CACNG3: variants seen among roughly 807,000 people sequenced by gnomAD.
The protein encoded by CACNG3 is calcium voltage-gated channel auxiliary subunit gamma 3.
A neutral mutation model predicts 28.5 loss-of-function variants in CACNG3; 3 were observed. That is an observed-to-expected ratio of 0.11 (90% confidence interval 0.05 to 0.27). CACNG3 has a LOEUF of 0.27. CACNG3 is among the 10% of genes least tolerant of loss of function. The probability of loss-of-function intolerance (pLI) is 1.00; values close to 1 mark genes in which losing one functional copy is unlikely to be tolerated. For synonymous variants in CACNG3, 174 were observed against 162.2 expected, an observed-to-expected ratio of 1.07 and a Z score of -0.55; for missense variants, 236 against 414.4, an observed-to-expected ratio of 0.57 and a Z score of 3.74.
chr16:24,295,309 G>C (rs564237268), intron 1 of CACNG3, among the ~76,000 whole-genome samples: 2 of 152,152 alleles, frequency 1.3e-5, no homozygotes, highest in East Asian at 3.9e-4. Flanking sequence ...TTCTACCAAG[G>C]ATGTCCCCTG....
intron 1 of CACNG3, among the ~76,000 whole-genome samples, chr16:24,302,332 A>G (rs12599474): frequency 0.33 from 50,461 of 152,144 alleles, 8,942 homozygotes; most frequent in African/African-American, 0.44. Flanking sequence ...TCAAAGAGTC[A>G]CCCTTGGACC....
intron 1 of CACNG3, among the ~76,000 whole-genome samples, chr16:24,310,350 G>A (rs993803328): frequency 1.3e-5 from 2 of 152,222 alleles, no homozygotes; most frequent in South Asian, 2.1e-4. Context: ...GATCACTTGA[G>A]GTCAGGAGTT....
chr16:24,284,779 G>A (rs190699251), intron 1 of CACNG3, among the ~76,000 whole-genome samples: 3 of 152,230 alleles, frequency 2.0e-5, no homozygotes, highest in Non-Finnish European at 4.4e-5. Flanking sequence ...TTAATGTGAA[G>A]AGGTCCTTTT....
At chr16:24,296,919 G>A (rs919422300) in intron 1 of CACNG3, among the ~76,000 whole-genome samples, 2 of 152,150 alleles carry the variant, frequency 1.3e-5, no homozygotes, top group African/African-American at 4.8e-5. Context: ...GCAGCCACAA[G>A]CAATGATCCT....
rs146227895 is a variant in CACNG3, at chr16:24,356,516, A to G, written c.436+1543A>G. ...CAGGTCTTCAAGACTAGCCCTAGGC[A>G]ACATTGCAAGACCCGATCTGCACAA... On this transcript the variant is annotated intron_variant, in intron 3 of 3. Coordinates refer to ENST00000005284, the MANE Select transcript of CACNG3 (RefSeq NM_006539.4). 1.6e-3 allele frequency among the ~76,000 whole-genome samples: 237 copies of G among 152,188 alleles called. 1 individual carries two copies. The highest frequency in any genetic ancestry group is 5.1e-3 in the African/African-American group (213 of 41,520).
intron 1 of CACNG3, among the ~76,000 whole-genome samples, chr16:24,310,379 C>G (rs545851733): frequency 6.6e-6 from 1 of 152,124 alleles, no homozygotes; most frequent in Non-Finnish European, 1.5e-5. Flanking sequence ...GCCTGGCCAA[C>G]ATGACAAAAC....
chr16:24,340,135 G>A (rs1021160067), intron 1 of CACNG3, among the ~76,000 whole-genome samples: 17 of 152,186 alleles, frequency 1.1e-4, no homozygotes, highest in African/African-American at 3.9e-4. Flanking sequence ...GCTGGTTGTG[G>A]TGGTGCACAC....
intron 1 of CACNG3, among the ~76,000 whole-genome samples, chr16:24,304,357 T>G (rs889499698): frequency 6.6e-6 from 1 of 152,172 alleles, no homozygotes; most frequent in African/African-American, 2.4e-5. Context: ...TCATTTTTTT[T>G]AGCTTTTTAA....
chr16:24,295,677 T>C (rs901061213), intron 1 of CACNG3, among the ~76,000 whole-genome samples: 1 of 151,842 alleles, frequency 6.6e-6, no homozygotes, highest in African/African-American at 2.4e-5. Context: ...TGAGACCTCA[T>C]CACCACTAAA....
chr16:24,268,107 T>G (rs562958221), intron 1 of CACNG3, among the ~76,000 whole-genome samples: 1 of 152,354 alleles, frequency 6.6e-6, no homozygotes, highest in South Asian at 2.1e-4. Context: ...ATACTACTAT[T>G]ACCTCCATTT....
chr16:24,302,279 T>C (rs1899123202), intron 1 of CACNG3, among the ~76,000 whole-genome samples: 1 of 152,132 alleles, frequency 6.6e-6, no homozygotes, highest in Admixed American at 6.6e-5. Context: ...TTCCCCTGGG[T>C]CTGTAAAAAT....
intron 1 of CACNG3, among the ~76,000 whole-genome samples, chr16:24,339,350 T>A (rs1252185061): frequency 6.8e-6 from 1 of 147,594 alleles, no homozygotes; most frequent in Admixed American, 6.8e-5. Context: ...TTCATTCTAC[T>A]GTGTTTTCTC....
At chr16:24,305,035 T>C (rs1030561603) in intron 1 of CACNG3, among the ~76,000 whole-genome samples, 1 of 152,158 alleles carries the variant, frequency 6.6e-6, no homozygotes, top group Admixed American at 6.5e-5. Context: ...CCAGAGAGTG[T>C]GGCTGTCAGG....
intron 1 of CACNG3, among the ~76,000 whole-genome samples, chr16:24,272,307 A>G (rs1012265424): frequency 6.6e-6 from 1 of 152,112 alleles, no homozygotes; most frequent in African/African-American, 2.4e-5. Context: ...TACCCTCACT[A>G]TAGACTCATC....
chr16:24,317,572 AAG>A (rs1899372598), intron 1 of CACNG3, among the ~76,000 whole-genome samples: 1 of 55,468 alleles, frequency 1.8e-5, no homozygotes, highest in Non-Finnish European at 3.2e-5. Flanking sequence ...GAAAGAAAGA[AAG>A]AAAGAAAGAA....
intron 1 of CACNG3, among the ~76,000 whole-genome samples, chr16:24,312,927 GAAAGA>G (rs1899286306): frequency 7.0e-5 from 6 of 85,642 alleles, no homozygotes; most frequent in African/African-American, 1.6e-4. Context: ...AAGGAAGAAA[GAAAGA>G]AAGAAAGAAA....
intron 1 of CACNG3, among the ~76,000 whole-genome samples, chr16:24,293,501 A>C (rs539445250): frequency 1.3e-5 from 2 of 152,264 alleles, no homozygotes; most frequent in East Asian, 1.9e-4. Context: ...CAGGGCCCTC[A>C]GTTCTCCCAT....
intron 1 of CACNG3, among the ~76,000 whole-genome samples, chr16:24,331,809 C>A (rs1475925313): frequency 6.6e-6 from 1 of 152,168 alleles, no homozygotes; most frequent in Non-Finnish European, 1.5e-5. Context: ...AAGGCCTTGG[C>A]ACTTGCAGTT....
chr16:24,336,509 C>G (rs1470293269), intron 1 of CACNG3, among the ~76,000 whole-genome samples: 1 of 151,590 alleles, frequency 6.6e-6, no homozygotes, highest in African/African-American at 2.4e-5. Flanking sequence ...TATCCTGACC[C>G]TGTGATCTGC....
Sources: allele counts gnomAD v4.1 joint callset (sites outside exome capture counted in the v4.1 genomes callset), GRCh38; gene constraint gnomAD v4.1.1; transcripts MANE v1.5; gene names NCBI Gene and HGNC (gene_info 2026-07-23, HGNC 2026-07-21).